The following EVA1A variants were observed in gnomAD, a reference collection of about 807,000 sequenced individuals.
EVA1A encodes protein eva-1 homolog A.
Under a neutral mutation model 9.8 loss-of-function variants are expected in EVA1A, and 7 were observed. The ratio of observed to expected loss-of-function variants is 0.71; its 90% CI spans 0.41 to 1.34. The LOEUF (loss-of-function observed/expected upper bound fraction) is 1.34. Ranked by LOEUF, EVA1A falls within the 40% of genes most tolerant of loss-of-function variation. The probability of loss-of-function intolerance (pLI) is 0.01; values close to 1 mark genes in which losing one functional copy is unlikely to be tolerated. For missense variants in EVA1A, 206 were observed against 205.9 expected (o/e 1.00, Z 0.00); for synonymous variants, 90 against 85.6 (o/e 1.05, Z -0.28).
intron 1 of EVA1A, among the ~76,000 whole-genome samples, chr2:75,554,554 C>T (rs552156376): frequency 1.3e-5 from 2 of 152,224 alleles, no homozygotes; most frequent in African/African-American, 2.4e-5. Flanking sequence ...TTGATGATAA[C>T]AGCTCTCTGG....
intron 1 of EVA1A, among the ~76,000 whole-genome samples, chr2:75,555,123 T>C (rs192625697): frequency 1.2e-4 from 19 of 152,256 alleles, no homozygotes; most frequent in Non-Finnish European, 2.4e-4. Context: ...TCAATAAGCA[T>C]ATGCACCCAT....
At chr2:75,505,674 C>A (rs917080733) in intron 3 of EVA1A, among the ~76,000 whole-genome samples, 3 of 151,864 alleles carry the variant, frequency 2.0e-5, no homozygotes, top group Non-Finnish European at 4.4e-5. Context: ...TTTAGCTGGG[C>A]ATGGTGGTGC....
chr2:75,495,310 C>A (rs1674171635), intron 3 of EVA1A, among the ~76,000 whole-genome samples: 1 of 152,108 alleles, frequency 6.6e-6, no homozygotes, highest in Non-Finnish European at 1.5e-5. Context: ...GGGCAACCAG[C>A]CCTAGGAGAG....
chr2:75,546,017 G>A (rs1327546659), intron 1 of EVA1A, among the ~76,000 whole-genome samples: 1 of 152,148 alleles, frequency 6.6e-6, no homozygotes, highest in Non-Finnish European at 1.5e-5. Flanking sequence ...TGTATAGCTG[G>A]GGAAGAGCAA....
rs1278773088 is a variant in EVA1A, at chr2:75,549,005, TATA to T, written c.-192+11672_-192+11674del. Among the ~76,000 whole-genome samples the T allele has an allele frequency of 7.4e-3, 720 of 97,100 alleles. 8 individuals are homozygous for T. Among genetic ancestry groups the T allele is most frequent in the African/African-American group, 0.031 (635 of 20,646 alleles). 63.7% of individuals were successfully genotyped at this position (97,100 alleles called of 152,430 possible). On this transcript the variant is annotated intron_variant, in intron 1 of 3. Coordinates refer to ENST00000393913, the MANE Select transcript of EVA1A (RefSeq NM_001135032.2). ...AAAAATATATATATATATATATATATATATTTTTTTTTTTTTTACTAATAAATC... is the reference window on the plus strand; with the variant it reads ...AAAAATATATATATATATATATATATTTTTTTTTTTTTTTACTAATAAATC...
chr2:75,511,293 C>G (rs1479762422), intron 3 of EVA1A, among the ~76,000 whole-genome samples: 1 of 152,180 alleles, frequency 6.6e-6, no homozygotes, highest in Non-Finnish European at 1.5e-5. Flanking sequence ...GGGGCACTTA[C>G]TCTACAACAG....
At chr2:75,554,354 G>C (rs958149102) in intron 1 of EVA1A, among the ~76,000 whole-genome samples, 6 of 152,188 alleles carry the variant, frequency 3.9e-5, no homozygotes, top group Non-Finnish European at 8.8e-5. Flanking sequence ...TCAAAGAGGG[G>C]GCAAGAGGAG....
rs777407818 is a variant in EVA1A, at chr2:75,493,513, G to C, written c.182C>G (p.Thr61Arg). The change falls in exon 4 of 4, where the codon ACA becomes AGA. Residue 61 changes from threonine (T) to arginine (R), a missense_variant. Physicochemically the swap from Thr to Arg is moderately conservative, Grantham distance 71. Coordinates refer to ENST00000393913, the MANE Select transcript of EVA1A (RefSeq NM_001135032.2). ...AALVIRISCH[T>R]DCRRRPGKKF... ...CTTCCCGGGACGCCGCCTGCAGTCT[G>C]TGTGGCAAGAGATCCTTATCACCAG... is the stretch of plus-strand genomic sequence containing the variant. The C allele has an allele frequency of 6.2e-7, 1 of 1,614,216 alleles. No individual in the cohort carries two copies. The highest frequency in any genetic ancestry group is 8.5e-7 in the Non-Finnish European group (1 of 1,180,046).
At chr2:75,549,354 C>A (rs1191644173) in intron 1 of EVA1A, among the ~76,000 whole-genome samples, 1 of 152,170 alleles carries the variant, frequency 6.6e-6, no homozygotes, top group Non-Finnish European at 1.5e-5. Context: ...CCCAGCCACA[C>A]CTTCCTGGGG....
intron 1 of EVA1A, among the ~76,000 whole-genome samples, chr2:75,528,683 C>T (rs1490470380): frequency 3.3e-5 from 5 of 152,170 alleles, no homozygotes; most frequent in African/African-American, 1.2e-4. Flanking sequence ...TCTTTTTCTA[C>T]CCACCTTGGT....
At chr2:75,560,103 C>T (rs1676870914) in intron 1 of EVA1A, among the ~76,000 whole-genome samples, 1 of 152,120 alleles carries the variant, frequency 6.6e-6, no homozygotes, top group South Asian at 2.1e-4. Context: ...GGACTGTCTG[C>T]GCGCCCCTCT....
At chr2:75,549,313 C>T (rs1409448488) in intron 1 of EVA1A, among the ~76,000 whole-genome samples, 6 of 152,130 alleles carry the variant, frequency 3.9e-5, no homozygotes, top group East Asian at 3.9e-4. Flanking sequence ...GTAACTTCAC[C>T]GAACCACATT....
chr2:75,517,055 A>G (rs942262981), intron 3 of EVA1A, among the ~76,000 whole-genome samples: 4 of 152,130 alleles, frequency 2.6e-5, no homozygotes, highest in African/African-American at 9.7e-5. Context: ...TGCCCAGAAC[A>G]AGACCCTGAG....
At chr2:75,500,794 C>G (rs1674388958) in intron 3 of EVA1A, among the ~76,000 whole-genome samples, 1 of 145,592 alleles carries the variant, frequency 6.9e-6, no homozygotes, top group African/African-American at 2.5e-5. Flanking sequence ...AGTCATTATG[C>G]CCAATGCCCA....
intron 1 of EVA1A, among the ~76,000 whole-genome samples, chr2:75,535,734 G>A (rs1194846757): frequency 6.6e-6 from 1 of 152,106 alleles, no homozygotes; most frequent in African/African-American, 2.4e-5. Context: ...TAAGCTATGG[G>A]TACACAAAGG....
rs547994749 is a variant in EVA1A, at chr2:75,517,308, T to C, written c.85+748A>G. Among the ~76,000 whole-genome samples the C allele has an allele frequency of 7.2e-5, 11 of 152,254 alleles. No individual in the cohort carries two copies. The South Asian group carries it at 1.2e-3, about 17-fold the overall frequency. On this transcript the variant is annotated intron_variant, in intron 3 of 3. Transcript: ENST00000393913. Reference sequence around the variant, plus strand: ...ATTGAAACCCTAGTCCCTTCCTTTTTATACAATATATCCAGAGACATCAGG... The same window carrying C: ...ATTGAAACCCTAGTCCCTTCCTTTTCATACAATATATCCAGAGACATCAGG...
At chr2:75,515,417 A>G (rs901008247) in intron 3 of EVA1A, among the ~76,000 whole-genome samples, 10 of 152,194 alleles carry the variant, frequency 6.6e-5, no homozygotes, top group Admixed American at 6.5e-4. Context: ...AGTGGCTTCA[A>G]ATGGCAAATT....
intron 3 of EVA1A, among the ~76,000 whole-genome samples, chr2:75,496,142 C>T (rs2103768531): frequency 6.6e-6 from 1 of 152,224 alleles, no homozygotes; most frequent in East Asian, 1.9e-4. Flanking sequence ...GTAAACGTTC[C>T]TTTCTGGGTA....
intron 3 of EVA1A, among the ~76,000 whole-genome samples, chr2:75,514,165 A>G (rs1674921861): frequency 1.3e-5 from 2 of 152,216 alleles, no homozygotes; most frequent in African/African-American, 2.4e-5. Flanking sequence ...CAGTCAATCA[A>G]TGATGGTGGG....
Sources: gnomAD v4.1 joint callset for allele counts (sites outside exome capture counted in the v4.1 genomes callset) on GRCh38, gnomAD v4.1.1 for gene constraint, MANE v1.5 for transcripts, NCBI Gene and HGNC (gene_info 2026-07-23, HGNC 2026-07-21) for gene names.